Variants in CEP72 observed in about 807,000 individuals in gnomAD.
The protein encoded by CEP72 is centrosomal protein 72, also known as centrosomal protein of 72 kDa.
A neutral mutation model predicts 65.7 loss-of-function variants in CEP72; 78 were observed. The observed-to-expected ratio is 1.19, with a 90% CI of 0.99 to 1.43. The LOEUF (loss-of-function observed/expected upper bound fraction) is 1.43. Ranked by LOEUF, CEP72 falls within the 40% of genes most tolerant of loss-of-function variation. The pLI is 0.00. For synonymous variants in CEP72, 358 were observed against 351.7 expected (o/e 1.02, Z -0.20); for missense variants, 914 against 832.9 (o/e 1.10, Z -1.20).
downstream of CEP72, among the ~76,000 whole-genome samples, chr5:669,599 G>A (rs1740121094): frequency 1.3e-5 from 2 of 152,186 alleles, no homozygotes; most frequent in South Asian, 4.1e-4. Context: ...CCAGTGCTGA[G>A]GCACGCAGCC....
At chr5:647,425 T>C (rs1738495626) in intron 10 of CEP72, among the ~76,000 whole-genome samples, 2 of 152,338 alleles carry the variant, frequency 1.3e-5, no homozygotes, top group Admixed American at 1.3e-4. Flanking sequence ...TTGGTGCTTT[T>C]CCCGAAACCC....
In CEP72 at chr5:639,038, C is replaced by G. The variant is rs2242440; in HGVS notation, c.1207-51C>G. ...GTGCGCTTGGGCACCTGCTGGCATT[C>G]AGGACCTCAGTTACTGACTCGCTGG... On this transcript the variant is annotated intron_variant, in intron 7 of 11. Coordinates refer to ENST00000264935, the MANE Select transcript of CEP72 (RefSeq NM_018140.4). The G allele has an allele frequency of 3.1e-3, 4,988 of 1,609,374 alleles. 156 individuals are homozygous for G. In the Admixed American group the frequency reaches 0.063, roughly 20 times the overall value.
chr5:641,309 A>C (rs1227543756), intron 9 of CEP72: 1 of 985,308 alleles, frequency 1.0e-6, no homozygotes. Context: ...AGCCACACCC[A>C]GGCAGAAGCC....
intron 11 of CEP72, among the ~76,000 whole-genome samples, chr5:649,989 C>T (rs866578611): frequency 2.1e-4 from 13 of 62,544 alleles, no homozygotes; most frequent in African/African-American, 2.4e-4. Flanking sequence ...GACTGTGAGG[C>T]GTGGACTGTG....
At chr5:635,622 A>G (rs374296018) in intron 6 of CEP72, 38 bp downstream of exon 6, 3 of 1,464,238 alleles carry the variant, frequency 2.0e-6, no homozygotes, top group Non-Finnish European at 2.9e-6. Context: ...CTGTTGCTGT[A>G]ACAGAAAACC....
At chr5:628,382 C>A (rs995995431) in intron 4 of CEP72, among the ~76,000 whole-genome samples, 1 of 151,748 alleles carries the variant, frequency 6.6e-6, no homozygotes, top group Admixed American at 6.6e-5. Context: ...GGACCCAGCC[C>A]CCTTCTTTGT....
chr5:654,420 CTG>C (rs1400129977), downstream of CEP72, among the ~76,000 whole-genome samples: 2 of 147,774 alleles, frequency 1.4e-5, no homozygotes, highest in African/African-American at 5.0e-5. Context: ...TGTGTGCTAG[CTG>C]TGTGTGTCTG....
chr5:649,498 G>T (rs1738768713), intron 11 of CEP72, among the ~76,000 whole-genome samples: 1 of 75,944 alleles, frequency 1.3e-5, no homozygotes, highest in Admixed American at 1.3e-4. Flanking sequence ...TGTGGACTGT[G>T]AGGTGTGACT....
intron 1 of CEP72, among the ~76,000 whole-genome samples, chr5:614,420 C>T (rs181080569): frequency 8.7e-5 from 13 of 149,684 alleles, no homozygotes; most frequent in Non-Finnish European, 4.4e-5. Flanking sequence ...GAATTTCCCT[C>T]GATACTTCCT....
At chr5:651,044 T>C (rs1429782487) in intron 11 of CEP72, among the ~76,000 whole-genome samples, 2 of 85,404 alleles carry the variant, frequency 2.3e-5, no homozygotes, top group African/African-American at 6.2e-5. Flanking sequence ...GACTGTGAGG[T>C]GTGACTGTGA....
intron 11 of CEP72, among the ~76,000 whole-genome samples, chr5:650,880 C>G (rs867111162): frequency 0.025 from 1 of 40 alleles, no homozygotes; most frequent in Non-Finnish European, 0.042. Flanking sequence ...GACTGTGAGG[C>G]GTGGACTGTG....
chr5:664,872 G>T (rs1739828115), intron 2 of CEP72: 1 of 573,824 alleles, frequency 1.7e-6, no homozygotes. Context: ...CGAGGCAGGT[G>T]TATTAGGAGG....
chr5:616,123 G>C (rs1160302308), intron 1 of CEP72, among the ~76,000 whole-genome samples: 1 of 151,896 alleles, frequency 6.6e-6, no homozygotes, highest in South Asian at 2.1e-4. Context: ...TTCATTCCAC[G>C]ATGCTCTAGG....
At chr5:670,687 C>A (rs1382131562), downstream of CEP72, among the ~76,000 whole-genome samples, 7 of 152,172 alleles carry the variant, frequency 4.6e-5, no homozygotes, top group East Asian at 9.6e-4. Context: ...CCAGTGGTCC[C>A]GTTCCAGCAG....
rs747042300 is a variant in CEP72, at chr5:640,496, G to A, written c.1431G>A (p.Leu477=). 2.8e-5 allele frequency: 46 copies of A among 1,614,048 alleles called. No homozygotes were observed. Among genetic ancestry groups the A allele is most frequent in the Non-Finnish European group, 3.7e-5 (44 of 1,180,050 alleles). ...TGGTGGGTGAAGATGTCGGCTCCCT[G>A]GCTCTGGAGAGTAAGTCCCTGCAAA... The part of the protein sequence containing the change: ...SAMVGEDVGS[L]ALESKSLQSR... Residue 477 remains leucine (L), a synonymous_variant, in exon 9 of 12, where the codon CTG becomes CTA. Transcript: ENST00000264935.
chr5:663,335 C>T lies in CEP72; in HGVS notation n.131-81C>T, dbSNP rs373982180. On this transcript the variant is annotated intron_variant and non_coding_transcript_variant, in intron 1 of 4. Transcript: ENST00000514507. ...CACAGGGCTGGGCTTGGGCACCCCC[C>T]GCCTTCCCCAGGCCGGTGAGGTGAC... is the stretch of plus-strand genomic sequence containing the variant. 475 of 152,594 alleles carry T rather than the reference C, an allele frequency of 3.1e-3. 2 individuals are homozygous for T. Among genetic ancestry groups the T allele is most frequent in the Non-Finnish European group, 5.6e-3 (383 of 68,106 alleles). 9.5% of individuals were successfully genotyped at this position (152,594 alleles called of 1,614,324 possible). A position where few individuals can be genotyped will look rare whatever the true frequency, so the allele number is the denominator to read the frequency against.
intron 1 of CEP72, among the ~76,000 whole-genome samples, chr5:617,245 C>G (rs553081139): frequency 6.6e-6 from 1 of 152,310 alleles, no homozygotes; most frequent in South Asian, 2.1e-4. Flanking sequence ...GCTTCTGTTC[C>G]TTTCAGTCCC....
downstream of CEP72, among the ~76,000 whole-genome samples, chr5:658,991 A>T (rs1333034251): frequency 6.6e-6 from 1 of 152,150 alleles, no homozygotes; most frequent in Admixed American, 6.5e-5. Flanking sequence ...TTGATCCACC[A>T]TCTCATTAGT....
intron 11 of CEP72, among the ~76,000 whole-genome samples, chr5:652,064 A>G (rs1236659036): frequency 2.0e-5 from 3 of 152,128 alleles, no homozygotes; most frequent in Admixed American, 2.0e-4. Context: ...AGCGGAGCAG[A>G]AGGAAGGGGA....
Sources: gnomAD v4.1 joint callset for allele counts (sites outside exome capture counted in the v4.1 genomes callset) on GRCh38, gnomAD v4.1.1 for gene constraint, MANE v1.5 for transcripts, NCBI Gene and HGNC (gene_info 2026-07-23, HGNC 2026-07-21) for gene names.